Variants in CPZ observed in about 807,000 individuals in gnomAD.
The protein encoded by CPZ is carboxypeptidase Z, also known as VEZT/CPZ fusion.
In CPZ, 103 loss-of-function variants were observed where a neutral mutation model predicts 61.8. The ratio of observed to expected loss-of-function variants is 1.67; its 90% CI spans 1.42 to 1.96. The LOEUF (loss-of-function observed/expected upper bound fraction) is 1.96, where lower values mean the gene tolerates loss of function less well. Among genes scored for constraint, CPZ ranks in the 30% most tolerant of loss-of-function variants. The probability of loss-of-function intolerance (pLI) is 0.00; values close to 1 mark genes in which losing one functional copy is unlikely to be tolerated. For missense variants in CPZ, 1,461 were observed against 914.9 expected, an observed-to-expected ratio of 1.60 and a Z score of -7.70; for synonymous variants, 551 against 373.7, an observed-to-expected ratio of 1.47 and a Z score of -5.47.
In CPZ at chr4:8,606,752, G is replaced by T; in HGVS notation, c.922G>T (p.Gly308Trp). The change falls in exon 6 of 11, where the codon GGG (glycine) becomes TGG (tryptophan). Residue 308 changes from glycine to tryptophan, a missense_variant. By Grantham distance (184) the Gly-to-Trp change is radical (BLOSUM62 -2). Coordinates refer to ENST00000360986, the MANE Select transcript of CPZ (RefSeq NM_001014447.3). ...ATGTTTTCAGGGTGCCGGCTACAAC[G>T]GGTGGACGAGCGGGAGGCAGAACGC... ...VAAAEGAGYN[G>W]WTSGRQNAQN... is the part of the protein sequence containing the mutation. 2 of 1,614,122 alleles carry T rather than the reference G, an allele frequency of 1.2e-6. No homozygotes were observed. The highest frequency in any genetic ancestry group is 1.7e-6 in the Non-Finnish European group (2 of 1,180,014).
intron 7 of CPZ, among the ~76,000 whole-genome samples, chr4:8,610,983 GTCACTCACTCTTTCACTCAT>G (rs1415158890): frequency 2.9e-4 from 44 of 151,654 alleles, no homozygotes; most frequent in African/African-American, 3.9e-4. Flanking sequence ...CATTCACTCA[GTCACTCACTCTTTCACTCAT>G]TCACTCACTC....
At chr4:8,609,148 C>CCATTCATTCACT (rs71175493) in intron 7 of CPZ, among the ~76,000 whole-genome samples, 1 of 116,720 alleles carries the variant, frequency 8.6e-6, no homozygotes, top group African/African-American at 3.2e-5. Flanking sequence ...ACTCATTCAC[C>CCATTCATTCACT]CACTCCCTCA....
intron 9 of CPZ, among the ~76,000 whole-genome samples, chr4:8,616,626 C>T (rs1041346400): frequency 6.6e-6 from 1 of 152,058 alleles, no homozygotes; most frequent in African/African-American, 2.4e-5. Context: ...CGGTGAGGGG[C>T]TGGTGAGGGT....
chr4:8,614,434 C>A lies in CPZ; in HGVS notation c.1439C>A (p.Pro480His), dbSNP rs546238084. The part of the protein sequence containing the change: ...TVELGCVKFP[P>H]EEALYILWQH... The stretch of plus-strand genomic sequence containing the variant: ...GAGCTGGGCTGTGTGAAGTTCCCCC[C>A]CGAGGAGGCCCTGTACATACTCTGG... The change falls in exon 9 of 11, where the codon CCC becomes CAC. Residue 480 changes from proline (P) to histidine (H), a missense_variant. Pro to His is a moderately conservative substitution (Grantham distance 77). Coordinates refer to ENST00000360986, the MANE Select transcript of CPZ (RefSeq NM_001014447.3). 16 of 1,613,930 alleles carry A rather than the reference C, an allele frequency of 9.9e-6. No homozygotes were observed. The highest frequency in any genetic ancestry group is 2.2e-5 in the East Asian group (1 of 44,888).
chr4:8,594,422 G>A (rs1294767596), intron 1 of CPZ, among the ~76,000 whole-genome samples: 1 of 152,216 alleles, frequency 6.6e-6, no homozygotes, highest in Non-Finnish European at 1.5e-5. Flanking sequence ...TGGAGCCTGG[G>A]GACGGAGGTA....
intron 7 of CPZ, among the ~76,000 whole-genome samples, chr4:8,610,801 G>A (rs1715587541): frequency 6.6e-6 from 1 of 152,154 alleles, no homozygotes. Flanking sequence ...GGGCCTGAGT[G>A]GGGTTGTGTT....
intron 1 of CPZ, among the ~76,000 whole-genome samples, 184 bp from the exon 2 acceptor site, chr4:8,599,269 G>T (rs889508472): frequency 1.3e-5 from 2 of 152,252 alleles, no homozygotes; most frequent in African/African-American, 4.8e-5. Flanking sequence ...CAGCTTTCAT[G>T]CCTGGGAAAT....
At chr4:8,608,277 C>G (rs1009503806) in intron 7 of CPZ, among the ~76,000 whole-genome samples, 1 of 152,160 alleles carries the variant, frequency 6.6e-6, no homozygotes, top group African/African-American at 2.4e-5. Context: ...CCAGGCTTCG[C>G]GTGGAGAGCC....
At chr4:8,595,176 AT>A (rs1214844502) in intron 1 of CPZ, among the ~76,000 whole-genome samples, 16 of 152,250 alleles carry the variant, frequency 1.1e-4, no homozygotes, top group Admixed American at 1.0e-3. Flanking sequence ...TAAGTCTGAA[AT>A]TTGGTATGCA....
intron 7 of CPZ, 123 bp downstream of exon 7, chr4:8,607,548 G>A: frequency 8.7e-7 from 1 of 1,143,942 alleles, no homozygotes; most frequent in Non-Finnish European, 1.2e-6. Flanking sequence ...ACTCAGAGCG[G>A]GTCAGCACCA....
At chr4:8,618,311 G>A (rs925330056) in intron 9 of CPZ, 118 bp from the exon 10 acceptor site, 11 of 866,918 alleles carry the variant, frequency 1.3e-5, no homozygotes, top group Admixed American at 1.2e-4. Flanking sequence ...GTGGGGCTCT[G>A]TGGGGTAGTT....
Position 8,619,487 on chromosome 4 carries a change from T to C in CPZ, c.1829T>C (p.Leu610Ser), listed in dbSNP as rs1716497901. ...PHDPLGGASS[L>S]GEATEPDPLR... Reference sequence around the variant, plus strand: ...GACCCACTGGGAGGTGCCAGCTCTTTGGGGGAGGCCACGGAGCCCGACCCG... The same window carrying C: ...GACCCACTGGGAGGTGCCAGCTCTTCGGGGGAGGCCACGGAGCCCGACCCG... Residue 610 changes from leucine to serine, a missense_variant, in exon 11 of 11, where the codon TTG becomes TCG. By Grantham distance (145) the Leu-to-Ser change is moderately radical. Coordinates refer to ENST00000360986, the MANE Select transcript of CPZ (RefSeq NM_001014447.3). The C allele has an allele frequency of 3.1e-6, 5 of 1,608,186 alleles. No individual in the cohort carries two copies. The highest frequency in any genetic ancestry group is 1.3e-5 in the African/African-American group (1 of 74,714).
intron 1 of CPZ, among the ~76,000 whole-genome samples, chr4:8,594,987 T>C (rs897398185): frequency 1.3e-4 from 20 of 152,162 alleles, no homozygotes; most frequent in African/African-American, 4.1e-4. Context: ...TTGGCCAGGA[T>C]GGTCTTGATC....
chr4:8,605,322 T>TCATCCATCCATCCATCCATCCATCCATC (rs6148295), intron 4 of CPZ, among the ~76,000 whole-genome samples: 14 of 149,978 alleles, frequency 9.3e-5, no homozygotes, highest in Non-Finnish European at 1.9e-4. Context: ...ATTCATTTAT[T>TCATCCATCCATCCATCCATCCATCCATC]CATCCATCCA....
At chr4:8,603,496 G>A (rs1714728058) in intron 3 of CPZ, 1 of 162,572 alleles carries the variant, frequency 6.2e-6, no homozygotes, top group Non-Finnish European at 1.3e-5. Context: ...AGAAACACTG[G>A]GAAGCCTCAC....
rs754049054 is a variant in CPZ, at chr4:8,614,323, G to A, written c.1364-36G>A. On this transcript the variant is annotated intron_variant, in intron 8 of 10. Coordinates refer to ENST00000360986, the MANE Select transcript of CPZ (RefSeq NM_001014447.3). Reference sequence around the variant, plus strand: ...ACGTCCCGGCTGTCTCTGTGCGGCTGACACCCCTGACGTCCCCGCTGTCTC... The same window carrying A: ...ACGTCCCGGCTGTCTCTGTGCGGCTAACACCCCTGACGTCCCCGCTGTCTC... The A allele has an allele frequency of 8.1e-6, 13 of 1,598,480 alleles. No individual in the cohort carries two copies. The East Asian group carries it at 2.9e-4, about 36-fold the overall frequency.
At chr4:8,617,073 T>C (rs1324658973) in intron 9 of CPZ, among the ~76,000 whole-genome samples, 1 of 152,198 alleles carries the variant, frequency 6.6e-6, no homozygotes, top group Non-Finnish European at 1.5e-5. Flanking sequence ...CCTGCACCAC[T>C]GACAGCTGGG....
At position 8,595,027 on chromosome 4, in the gene CPZ, C is replaced by T. The variant is rs1463935271; in HGVS notation, c.88+2106C>T. Among the ~76,000 whole-genome samples the T allele has an allele frequency of 2.6e-5, 4 of 152,344 alleles. No individual in the cohort carries two copies. The East Asian group carries it at 7.7e-4, about 29-fold the overall frequency. ...GACCCCGTGATCCACCCGCCTTGGC[C>T]TCCCAAAGTGCTGGGATTACAGGCG... On this transcript the variant is annotated intron_variant, in intron 1 of 10. Transcript: ENST00000360986.
intron 7 of CPZ, among the ~76,000 whole-genome samples, chr4:8,609,401 G>A (rs890905081): frequency 6.8e-6 from 1 of 147,400 alleles, no homozygotes; most frequent in African/African-American, 2.7e-5. Context: ...TCACTCATTG[G>A]TTTATTCCCG....
Sources: gnomAD v4.1 joint callset for allele counts (sites outside exome capture counted in the v4.1 genomes callset) on GRCh38, gnomAD v4.1.1 for gene constraint, MANE v1.5 for transcripts, NCBI Gene and HGNC (gene_info 2026-07-23, HGNC 2026-07-21) for gene names.